Variants in FANCL observed in about 807,000 individuals in gnomAD.
FANCL encodes E3 ubiquitin-protein ligase FANCL.
A neutral mutation model predicts 59.4 loss-of-function variants in FANCL; 69 were observed. That is an observed-to-expected ratio of 1.16 (90% CI 0.96 to 1.42). The LOEUF is 1.42. FANCL is among the 40% of genes most tolerant of loss of function. The probability of loss-of-function intolerance (pLI) is 0.00; values close to 1 mark genes in which losing one functional copy is unlikely to be tolerated. For missense variants in FANCL, 519 were observed against 447.2 expected (o/e 1.16, Z -1.45); for synonymous variants, 180 against 147.1 (o/e 1.22, Z -1.62).
intron 4 of FANCL, among the ~76,000 whole-genome samples, chr2:58,226,387 C>T (rs2103828374): frequency 6.6e-6 from 1 of 152,216 alleles, no homozygotes; most frequent in East Asian, 1.9e-4. Context: ...ATTATTTATA[C>T]ATCATATTAT....
At chr2:58,210,387 C>G in intron 5 of FANCL, among the ~76,000 whole-genome samples, 1 of 152,148 alleles carries the variant, frequency 6.6e-6, no homozygotes, top group East Asian at 1.9e-4. Context: ...GACACTTATT[C>G]ATTACCATGA....
At chr2:58,170,499 A>G (rs950385492) in intron 7 of FANCL, among the ~76,000 whole-genome samples, 2 of 152,188 alleles carry the variant, frequency 1.3e-5, no homozygotes, top group African/African-American at 4.8e-5. Flanking sequence ...ACCAGCTAGC[A>G]TCATAATGAC....
chr2:58,217,556 T>C (rs1038114324), intron 5 of FANCL, among the ~76,000 whole-genome samples: 3 of 152,066 alleles, frequency 2.0e-5, no homozygotes, highest in South Asian at 2.1e-4. Context: ...TGTGTAGTTA[T>C]AACAAAGTAG....
chr2:58,176,180 A>G (rs1299752944), intron 7 of FANCL, among the ~76,000 whole-genome samples: 4 of 152,206 alleles, frequency 2.6e-5, no homozygotes, highest in African/African-American at 4.8e-5. Flanking sequence ...GGAAGAATCA[A>G]TATCATGAAA....
At chr2:58,215,999 G>A (rs1244519690) in intron 5 of FANCL, among the ~76,000 whole-genome samples, 2 of 152,252 alleles carry the variant, frequency 1.3e-5, no homozygotes, top group Middle Eastern at 3.4e-3. Context: ...CAGGATCTCT[G>A]TGGGAACTCT....
chr2:58,190,542 T>C (rs1211765318), intron 7 of FANCL, among the ~76,000 whole-genome samples: 1 of 151,264 alleles, frequency 6.6e-6, no homozygotes. Context: ...AGACTAGCTT[T>C]TTGTTCCAGT....
chr2:58,189,227 G>A (rs1168393891), intron 7 of FANCL, among the ~76,000 whole-genome samples: 1 of 151,560 alleles, frequency 6.6e-6, no homozygotes, highest in Non-Finnish European at 1.5e-5. Flanking sequence ...TCAGCAAAGT[G>A]TACACCTTAA....
intron 7 of FANCL, chr2:58,194,090 TG>T (rs1170182887): frequency 1.5e-5 from 6 of 398,490 alleles, no homozygotes; most frequent in African/African-American, 1.3e-4. Context: ...CTTGCATTCA[TG>T]GCATTATTCC....
In FANCL at chr2:58,229,851, C is replaced by T. The variant is rs748806981; in HGVS notation, c.179G>A (p.Arg60Lys). The change falls in exon 3 of 14, where the codon AGA (arginine) becomes AAA (lysine). Residue 60 changes from arginine to lysine, a missense_variant. Coordinates refer to ENST00000233741, the MANE Select transcript of FANCL (RefSeq NM_018062.4). ...NARLLCSWQL[R>K]TILSGYHRIV... The stretch of plus-strand genomic sequence containing the variant: ...TCGATGGTATCCACTAAGTATTGTT[C>T]TCAGCTGCCAACTACATAATAATCT... 6.2e-7 allele frequency: 1 copy of T among 1,611,166 alleles called. No individual in the cohort carries two copies. The highest frequency in any genetic ancestry group is 1.7e-5 in the Admixed American group (1 of 59,988).
At chr2:58,232,841 CTT>C (rs1207292545) in intron 1 of FANCL, among the ~76,000 whole-genome samples, 6 of 151,858 alleles carry the variant, frequency 4.0e-5, no homozygotes, top group Non-Finnish European at 7.4e-5. Flanking sequence ...ACACAGGAAA[CTT>C]GAGCAAAAAT....
intron 7 of FANCL, among the ~76,000 whole-genome samples, chr2:58,168,199 A>G (rs1686153483): frequency 6.6e-6 from 1 of 152,210 alleles, no homozygotes. Flanking sequence ...TGCAGCTCCC[A>G]GCGAGATCAA....
At chr2:58,239,122 T>C (rs748444705) in intron 1 of FANCL, among the ~76,000 whole-genome samples, 9 of 152,158 alleles carry the variant, frequency 5.9e-5, no homozygotes, top group Non-Finnish European at 1.2e-4. Flanking sequence ...GCAACCGTGA[T>C]AGTAATAGTC....
intron 6 of FANCL, among the ~76,000 whole-genome samples, chr2:58,200,786 T>A (rs1443133270): frequency 6.6e-6 from 1 of 151,832 alleles, no homozygotes; most frequent in Non-Finnish European, 1.5e-5. Flanking sequence ...TGATCCTACA[T>A]ATATAAATGA....
At chr2:58,184,313 T>C (rs1456800125) in intron 7 of FANCL, among the ~76,000 whole-genome samples, 3 of 152,104 alleles carry the variant, frequency 2.0e-5, no homozygotes, top group Admixed American at 2.0e-4. Context: ...GATTACATTA[T>C]ACTTTATATC....
intron 7 of FANCL, among the ~76,000 whole-genome samples, chr2:58,187,615 T>TA (rs1305074860): frequency 6.6e-6 from 1 of 151,746 alleles, no homozygotes; most frequent in East Asian, 1.9e-4. Context: ...AAGCAAGAAT[T>TA]ACCTGATTTC....
intron 7 of FANCL, among the ~76,000 whole-genome samples, chr2:58,168,890 C>A (rs1369256612): frequency 6.6e-6 from 1 of 152,162 alleles, no homozygotes; most frequent in East Asian, 1.9e-4. Flanking sequence ...AGCCAGACTG[C>A]CTCACCAGAT....
At chr2:58,173,636 G>A (rs975572072) in intron 7 of FANCL, among the ~76,000 whole-genome samples, 9 of 152,082 alleles carry the variant, frequency 5.9e-5, no homozygotes, top group African/African-American at 1.9e-4. Context: ...CCTGAAGGAA[G>A]CACTAAACAT....
intron 7 of FANCL, among the ~76,000 whole-genome samples, chr2:58,167,820 A>T (rs1686105587): frequency 6.6e-6 from 1 of 152,204 alleles, no homozygotes; most frequent in Non-Finnish European, 1.5e-5. Flanking sequence ...GACAAGTTGG[A>T]CATAGAAACA....
intron 7 of FANCL, among the ~76,000 whole-genome samples, chr2:58,186,511 T>C (rs1688417643): frequency 1.3e-5 from 2 of 152,164 alleles, no homozygotes; most frequent in Non-Finnish European, 2.9e-5. Flanking sequence ...AATAAGGATG[T>C]GCTTTCAAGC....
Sources: allele counts gnomAD v4.1 joint callset (sites outside exome capture counted in the v4.1 genomes callset), GRCh38; gene constraint gnomAD v4.1.1; transcripts MANE v1.5; gene names NCBI Gene and HGNC (gene_info 2026-07-23, HGNC 2026-07-21).